Variants in USP16 observed in about 807,000 individuals in gnomAD.
USP16 encodes ubiquitin specific peptidase 16.
A neutral mutation model predicts 95.9 loss-of-function variants in USP16; 77 were observed. The ratio of observed to expected loss-of-function variants is 0.80; its 90% CI spans 0.67 to 0.97. The LOEUF is 0.97. Among genes scored for constraint, USP16 ranks in the 50% least tolerant of loss-of-function variants. The pLI, the probability that USP16 is intolerant of heterozygous loss-of-function variation, is 0.00. For synonymous variants in USP16, 303 were observed against 318.2 expected (o/e 0.95, Z 0.51); for missense variants, 943 against 959.9 (o/e 0.98, Z 0.23).
At chr21:29,024,919 C>A (rs1229057483) in intron 1 of USP16, 142 bp downstream of exon 1, 1 of 854,296 alleles carries the variant, frequency 1.2e-6, no homozygotes, top group Non-Finnish European at 1.6e-6. Flanking sequence ...TCCGGTACTG[C>A]GATCTCATTG....
At chr21:29,029,286 G>A (rs572569200) in intron 2 of USP16, among the ~76,000 whole-genome samples, 2 of 152,240 alleles carry the variant, frequency 1.3e-5, no homozygotes, top group Middle Eastern at 3.4e-3. Flanking sequence ...GGTGGCGGGC[G>A]CCTGTAGTCC....
chr21:29,049,568 TTTC>T (rs760127633), intron 15 of USP16, among the ~76,000 whole-genome samples: 8 of 152,192 alleles, frequency 5.3e-5, no homozygotes, highest in Non-Finnish European at 1.2e-4. Context: ...AAAAGTTGTT[TTTC>T]TTCTTTTTGA....
At chr21:29,047,752 C>G (rs991352112) in intron 14 of USP16, among the ~76,000 whole-genome samples, 1 of 151,862 alleles carries the variant, frequency 6.6e-6, no homozygotes, top group Admixed American at 6.6e-5. Context: ...ATCATACTGA[C>G]AATTTCCCTT....
chr21:29,051,513 A>C (rs2085413275), intron 16 of USP16, among the ~76,000 whole-genome samples: 1 of 152,194 alleles, frequency 6.6e-6, no homozygotes, highest in South Asian at 2.1e-4. Context: ...GGACACCACA[A>C]AGGATCTCAA....
chr21:29,042,494 T>C lies in USP16; in HGVS notation c.1145T>C (p.Phe382Ser). The C allele has an allele frequency of 3.1e-6, 5 of 1,603,994 alleles. No homozygotes were observed. The highest frequency in any genetic ancestry group is 4.2e-6 in the Non-Finnish European group (5 of 1,176,964). Reference protein sequence around the residue: ...CRTVSLVHESFLDLSLPVLDD... With the variant: ...CRTVSLVHESSLDLSLPVLDD... ...AAGGTCTCCTTGGTTCATGAATCTT[T>C]CCTTGATTTGTCCCTCCCAGTTTTA... The change falls in exon 12 of 18, where the codon TTC (phenylalanine) becomes TCC (serine). Residue 382 changes from phenylalanine (F) to serine (S), a missense_variant. By Grantham distance (155) the Phe-to-Ser change is radical. Transcript: ENST00000399976.
At chr21:29,035,949 A>C (rs1227464961) in intron 4 of USP16, among the ~76,000 whole-genome samples, 1 of 152,140 alleles carries the variant, frequency 6.6e-6, no homozygotes, top group Non-Finnish European at 1.5e-5. Flanking sequence ...CAAACAAAAA[A>C]AAGTTGTTAT....
In USP16 at chr21:29,038,315, T is replaced by C. The variant is rs1434275406; in HGVS notation, c.637-20T>C. 2 of 1,545,426 alleles carry C rather than the reference T, an allele frequency of 1.3e-6. 1 individual carries two copies. The highest frequency in any genetic ancestry group is 3.7e-5 in the Admixed American group (2 of 54,000). On this transcript the variant is annotated intron_variant, in intron 6 of 17. Transcript: ENST00000399976. ...TGCCTTTAAATAATTTTTCTCTTTT[T>C]TTTTCACCCTACATTCTAGAACTTG...
At chr21:29,047,955 T>C (rs1568898489) in intron 14 of USP16, among the ~76,000 whole-genome samples, 1 of 150,980 alleles carries the variant, frequency 6.6e-6, no homozygotes, top group African/African-American at 2.5e-5. Context: ...TGTATATATA[T>C]ATATGTGTGT....
Position 29,048,864 on chromosome 21 carries a change from T to A in USP16, c.2106+9T>A, listed in dbSNP as rs778081837. 1 of 1,606,816 alleles carries A rather than the reference T, an allele frequency of 6.2e-7. No individual in the cohort carries two copies. ...TAAAGAGATTTCAGCAGGTACTCCT[T>A]GTTACCCAAAATTTGTTTTAAATAT... On this transcript the variant is annotated intron_variant, in intron 15 of 17. Transcript: ENST00000399976.
intron 2 of USP16, among the ~76,000 whole-genome samples, chr21:29,028,538 C>A (rs974739476): frequency 2.0e-5 from 3 of 151,938 alleles, no homozygotes; most frequent in Non-Finnish European, 2.9e-5. Context: ...AGGGTTCAAG[C>A]GATTCTCCTG....
intron 7 of USP16, 69 bp from the exon 8 acceptor site, chr21:29,038,957 A>C: frequency 7.1e-7 from 1 of 1,403,936 alleles, no homozygotes; most frequent in South Asian, 1.8e-5. Flanking sequence ...ATGTTAACTA[A>C]TTAGATTTTA....
intron 10 of USP16, 62 bp downstream of exon 10, chr21:29,040,749 A>G (rs2085232034): frequency 4.8e-6 from 4 of 838,940 alleles, no homozygotes; most frequent in Non-Finnish European, 7.2e-6. Context: ...TTAGGACAAG[A>G]TTGCTGGCAC....
intron 5 of USP16, 126 bp from the exon 6 acceptor site, chr21:29,037,150 T>A: frequency 3.8e-6 from 2 of 524,670 alleles, no homozygotes; most frequent in Admixed American, 8.6e-5. Context: ...TAAAATCAAA[T>A]GGGTGGGTGG....
At chr21:29,042,578 AT>A (rs1372808723) in intron 12 of USP16, 50 bp downstream of exon 12, 2 of 1,509,096 alleles carry the variant, frequency 1.3e-6, no homozygotes, top group Non-Finnish European at 1.8e-6. Context: ...TTCCTGTAAG[AT>A]TTTGTGGGGG....
chr21:29,031,375 A>T (rs1041845812), intron 3 of USP16, among the ~76,000 whole-genome samples: 1 of 152,196 alleles, frequency 6.6e-6, no homozygotes, highest in African/African-American at 2.4e-5. Flanking sequence ...CTTATATGTT[A>T]GGAAATTGGG....
intron 3 of USP16, 113 bp downstream of exon 3, chr21:29,030,886 A>G (rs917040385): frequency 1.7e-5 from 21 of 1,245,122 alleles, no homozygotes; most frequent in Non-Finnish European, 2.3e-5. Context: ...AACATAGATC[A>G]TGTTCTCTGG....
rs769134327 is a variant in USP16 at position 29,046,824 on chromosome 21, A to G, written c.1514A>G (p.His505Arg). ...SNHISQEGVM[H>R]KEYCVNQKDL... ...CATATTTCACAAGAGGGTGTTATGC[A>G]TAAAGAATATTGTGTCAACCAGAAA... Residue 505 changes from histidine (H) to arginine (R), a missense_variant, in exon 14 of 18, where the codon CAT (histidine) becomes CGT (arginine). Coordinates refer to ENST00000399976, the MANE Select transcript of USP16 (RefSeq NM_006447.3). 36 of 1,614,080 alleles carry G rather than the reference A, an allele frequency of 2.2e-5. No homozygotes were observed. In the East Asian group the frequency reaches 2.5e-4, roughly 11 times the overall value.
chr21:29,048,069 G>T (rs908641160), intron 14 of USP16, among the ~76,000 whole-genome samples: 5 of 149,722 alleles, frequency 3.3e-5, no homozygotes, highest in Non-Finnish European at 7.4e-5. Flanking sequence ...GTGTGTGTGT[G>T]TGTGTGTGTG....
intron 4 of USP16, 109 bp downstream of exon 4, chr21:29,035,049 T>A: frequency 9.9e-7 from 1 of 1,008,898 alleles, no homozygotes; most frequent in African/African-American, 1.6e-5. Flanking sequence ...TTGTAGTATG[T>A]TTTAAAATAC....
Sources: gnomAD v4.1 joint callset for allele counts (sites outside exome capture counted in the v4.1 genomes callset) on GRCh38, gnomAD v4.1.1 for gene constraint, MANE v1.5 for transcripts, NCBI Gene and HGNC (gene_info 2026-07-23, HGNC 2026-07-21) for gene names.